The following ECHDC1 variants were observed in gnomAD, a reference collection of about 807,000 sequenced individuals.
The protein encoded by ECHDC1 is ethylmalonyl-CoA decarboxylase.
Under a neutral mutation model 29.7 loss-of-function variants are expected in ECHDC1, and 29 were observed. The observed-to-expected ratio is 0.98, with a 90% CI of 0.73 to 1.33. The LOEUF (loss-of-function observed/expected upper bound fraction) is 1.33, where lower values mean the gene tolerates loss of function less well. Ranked by LOEUF, ECHDC1 falls within the 40% of genes most tolerant of loss-of-function variation. The probability of loss-of-function intolerance (pLI) is 0.00; values close to 1 mark genes in which losing one functional copy is unlikely to be tolerated. For missense variants in ECHDC1, 328 were observed against 350.0 expected, an observed-to-expected ratio of 0.94 and a Z score of 0.50; for synonymous variants, 126 against 123.1, an observed-to-expected ratio of 1.02 and a Z score of -0.15.
intron 2 of ECHDC1, among the ~76,000 whole-genome samples, chr6:127,327,936 A>G (rs1199905109): frequency 6.6e-6 from 1 of 152,234 alleles, no homozygotes; most frequent in Non-Finnish European, 1.5e-5. Context: ...GGTTTTCAAC[A>G]TGACTAGTTT....
chr6:127,337,700 T>C (rs1336037390), intron 1 of ECHDC1, among the ~76,000 whole-genome samples: 1 of 152,170 alleles, frequency 6.6e-6, no homozygotes, highest in Non-Finnish European at 1.5e-5. Flanking sequence ...TTTACAGAGT[T>C]TGACTGTTCG....
chr6:127,313,576 T>C (rs1199494561), intron 5 of ECHDC1: 4 of 456,000 alleles, frequency 8.8e-6, no homozygotes, highest in Non-Finnish European at 1.3e-5. Context: ...AATCACTTTC[T>C]CTTCAGTGTC....
chr6:127,333,137 G>A (rs187998284), intron 1 of ECHDC1, among the ~76,000 whole-genome samples: 171 of 152,228 alleles, frequency 1.1e-3, no homozygotes, highest in Middle Eastern at 0.01. Flanking sequence ...ATAAGCTATC[G>A]GTTTAAATGT....
chr6:127,291,227 A>G (rs965533530), intron 5 of ECHDC1, among the ~76,000 whole-genome samples: 1 of 149,780 alleles, frequency 6.7e-6, no homozygotes, highest in Non-Finnish European at 1.5e-5. Context: ...GGGCTGCTCT[A>G]GTTGCCATGT....
At chr6:127,333,666 TACACAC>T (rs10523734) in intron 1 of ECHDC1, among the ~76,000 whole-genome samples, 2,822 of 128,108 alleles carry the variant, frequency 0.022, 20 homozygotes, top group South Asian at 0.029. Context: ...CTCTTTCTCT[TACACAC>T]ACACACACAC....
At chr6:127,303,658 C>T (rs1040754042) in intron 5 of ECHDC1, among the ~76,000 whole-genome samples, 1 of 152,192 alleles carries the variant, frequency 6.6e-6, no homozygotes, top group African/African-American at 2.4e-5. Flanking sequence ...AGGGGTAACA[C>T]AGAAGCTGCA....
chr6:127,335,752 A>G (rs1308245840), intron 1 of ECHDC1, among the ~76,000 whole-genome samples: 1 of 152,120 alleles, frequency 6.6e-6, no homozygotes, highest in Non-Finnish European at 1.5e-5. Flanking sequence ...CAAAACTAAT[A>G]AGCAACTAAT....
chr6:127,316,314 C>G, intron 4 of ECHDC1, 136 bp downstream of exon 4: 1 of 687,054 alleles, frequency 1.5e-6, no homozygotes, highest in East Asian at 2.8e-5. Context: ...CTCTACGGCA[C>G]AAAAAAATAG....
chr6:127,292,033 T>TA (rs1346647838), intron 5 of ECHDC1, among the ~76,000 whole-genome samples: 2 of 152,044 alleles, frequency 1.3e-5, no homozygotes, highest in Non-Finnish European at 2.9e-5. Context: ...ATTACAGAAA[T>TA]AATGTCTAAT....
intron 1 of ECHDC1, among the ~76,000 whole-genome samples, chr6:127,331,503 T>C (rs111282699): frequency 0.01 from 1,540 of 152,238 alleles, 27 homozygotes; most frequent in African/African-American, 0.035. Context: ...ATTCCTTTCA[T>C]TTTTCCCTCC....
chr6:127,320,317 G>A (rs1186224309), intron 3 of ECHDC1, among the ~76,000 whole-genome samples: 2 of 151,902 alleles, frequency 1.3e-5, no homozygotes, highest in African/African-American at 4.8e-5. Context: ...GTGCTTGGCC[G>A]CTTGTCTGTA....
At chr6:127,328,646 T>A (rs772484606) in intron 2 of ECHDC1, among the ~76,000 whole-genome samples, 2 of 152,212 alleles carry the variant, frequency 1.3e-5, no homozygotes, top group Non-Finnish European at 2.9e-5. Flanking sequence ...TATAGTCTAG[T>A]AAGGGAAAGA....
rs1779880249 is a variant in ECHDC1 at position 127,289,059 on chromosome 6, ATAGTTGT to A, written c.*803_*809del. ...TTTTTATTACATTTACTTTTGAAAG[ATAGTTGT>A]TAGAAGGTTAGTTGTTTTTCAGGAA... On this transcript the variant is annotated 3_prime_UTR_variant, in exon 6 of 6. Transcript: ENST00000454859. 6.6e-6 allele frequency: 1 copy of A among 152,078 alleles called. No individual in the cohort carries two copies. Among genetic ancestry groups the A allele is most frequent in the East Asian group, 1.9e-4 (1 of 5,178 alleles). 9.4% of individuals were successfully genotyped at this position (152,078 alleles called of 1,614,324 possible). A position where few individuals can be genotyped will look rare whatever the true frequency, so the allele number is the denominator to read the frequency against.
chr6:127,327,041 T>G lies in ECHDC1; in HGVS notation c.324A>C (p.Gly108=), dbSNP rs1783409470. The G allele has an allele frequency of 6.2e-7, 1 of 1,613,976 alleles. No homozygotes were observed. Among genetic ancestry groups the G allele is most frequent in the African/African-American group, 1.3e-5 (1 of 74,932 alleles). ...VRGAKNTFSS[G]SDLNAVKSLG... ...GTGATTTCACAGCATTCAGATCAGA[T>G]CCTGAAGAGAAAGTATTTTTTGCCC... Residue 108 remains glycine, a synonymous_variant, in exon 3 of 6, where the codon GGA becomes GGC. Transcript: ENST00000454859.
intron 2 of ECHDC1, among the ~76,000 whole-genome samples, chr6:127,327,763 T>C (rs930667382): frequency 1.3e-5 from 2 of 152,220 alleles, no homozygotes; most frequent in African/African-American, 2.4e-5. Context: ...ATTGATTCTA[T>C]GATTTATAGA....
chr6:127,328,543 A>G (rs932587323), intron 2 of ECHDC1, among the ~76,000 whole-genome samples: 3 of 152,216 alleles, frequency 2.0e-5, no homozygotes, highest in Non-Finnish European at 4.4e-5. Context: ...CATCCCCATC[A>G]CAAAGCAACA....
chr6:127,315,197 G>C (rs1362869846), intron 4 of ECHDC1: 2 of 517,532 alleles, frequency 3.9e-6, no homozygotes, highest in East Asian at 5.0e-5. Flanking sequence ...CAAATAAATG[G>C]ATGCTTTTGT....
intron 5 of ECHDC1, among the ~76,000 whole-genome samples, chr6:127,299,511 A>G (rs2114570857): frequency 6.6e-6 from 1 of 152,096 alleles, no homozygotes; most frequent in Non-Finnish European, 1.5e-5. Context: ...TTATAGAATA[A>G]GGATATAAAA....
intron 5 of ECHDC1, among the ~76,000 whole-genome samples, chr6:127,312,029 A>C (rs768697885): frequency 6.9e-6 from 1 of 144,906 alleles, no homozygotes; most frequent in Non-Finnish European, 1.5e-5. Context: ...TAAAAATTCA[A>C]ATTTCTGCTC....
Sources: allele counts gnomAD v4.1 joint callset (sites outside exome capture counted in the v4.1 genomes callset), GRCh38; gene constraint gnomAD v4.1.1; transcripts MANE v1.5; gene names NCBI Gene and HGNC (gene_info 2026-07-23, HGNC 2026-07-21).